Variants in DCLK1 observed in about 807,000 individuals in gnomAD.
The protein encoded by DCLK1 is doublecortin like kinase 1.
A neutral mutation model predicts 86.2 loss-of-function variants in DCLK1; 16 were observed. The ratio of observed to expected loss-of-function variants is 0.19; its 90% CI spans 0.13 to 0.28. DCLK1 has a LOEUF of 0.28. Among genes scored for constraint, DCLK1 ranks in the 10% least tolerant of loss-of-function variants. The pLI is 1.00. For missense variants in DCLK1, 590 were observed against 940.2 expected (o/e 0.63, Z 4.87); for synonymous variants, 369 against 370.5 (o/e 1.00, Z 0.05).
intron 3 of DCLK1, among the ~76,000 whole-genome samples, chr13:36,043,236 G>A (rs961974775): frequency 1.3e-5 from 2 of 151,908 alleles, no homozygotes; most frequent in Non-Finnish European, 2.9e-5. Context: ...TTTCCTCAGA[G>A]AGTTAAGACA....
intron 3 of DCLK1, among the ~76,000 whole-genome samples, chr13:36,030,831 A>G (rs971271728): frequency 1.3e-5 from 2 of 152,096 alleles, no homozygotes; most frequent in African/African-American, 2.4e-5. Flanking sequence ...AATCTCCCCA[A>G]CTGATCAGCT....
intron 3 of DCLK1, among the ~76,000 whole-genome samples, chr13:35,958,476 CCAT>C (rs1878269793): frequency 6.6e-6 from 1 of 151,616 alleles, no homozygotes; most frequent in African/African-American, 2.4e-5. Flanking sequence ...ACCACTATAA[CCAT>C]CACCACCACT....
At chr13:35,787,392 C>T (rs1366274990) in intron 16 of DCLK1, among the ~76,000 whole-genome samples, 1 of 151,716 alleles carries the variant, frequency 6.6e-6, no homozygotes, top group Non-Finnish European at 1.5e-5. Context: ...ATTTCTCAAA[C>T]CATCAAAAAC....
chr13:35,801,400 T>C (rs1360120957), intron 15 of DCLK1, among the ~76,000 whole-genome samples: 1 of 152,228 alleles, frequency 6.6e-6, no homozygotes, highest in East Asian at 1.9e-4. Context: ...TTCATAAAGA[T>C]AATTTCAAAA....
chr13:35,922,504 C>A (rs545545069), intron 4 of DCLK1, among the ~76,000 whole-genome samples: 1 of 152,284 alleles, frequency 6.6e-6, no homozygotes, highest in African/African-American at 2.4e-5. Flanking sequence ...GAATCTATTT[C>A]TTTGACTGTA....
At chr13:35,827,329 C>T (rs1412552988) in intron 10 of DCLK1, among the ~76,000 whole-genome samples, 1 of 152,128 alleles carries the variant, frequency 6.6e-6, no homozygotes. Context: ...GTGTGTCACA[C>T]AAACTGGTGG....
chr13:35,878,523 T>TG (rs943507166), intron 4 of DCLK1, among the ~76,000 whole-genome samples: 15 of 151,456 alleles, frequency 9.9e-5, no homozygotes, highest in East Asian at 1.9e-4. Flanking sequence ...AGCATTGCAG[T>TG]GGGGGGGAAA....
intron 16 of DCLK1, among the ~76,000 whole-genome samples, chr13:35,776,807 C>T (rs190757696): frequency 8.0e-4 from 122 of 152,292 alleles, no homozygotes; most frequent in African/African-American, 2.7e-3. Flanking sequence ...TTCACTGGCA[C>T]CTTCTTGATA....
chr13:35,856,569 C>T (rs948557525), intron 5 of DCLK1, among the ~76,000 whole-genome samples: 2 of 152,102 alleles, frequency 1.3e-5, no homozygotes, highest in African/African-American at 4.8e-5. Context: ...TCTTATCCAG[C>T]TAATGGAAAA....
chr13:36,051,305 A>G lies in DCLK1; in HGVS notation c.723+60564T>C, dbSNP rs558496674. ...AGACTCTTCAGTGTTTCAACACATC[A>G]TAATGAAAAGGACTGATGACTTCTC... On this transcript the variant is annotated intron_variant, in intron 3 of 16. Transcript: ENST00000360631. Among the ~76,000 whole-genome samples the G allele has an allele frequency of 5.8e-4, 88 of 152,278 alleles. 1 individual carries two copies. Among genetic ancestry groups the G allele is most frequent in the Non-Finnish European group, 1.1e-3 (74 of 68,022 alleles).
chr13:36,126,138 G>C lies in DCLK1; in HGVS notation c.-1C>G, dbSNP rs1317849605. 1 of 1,583,278 alleles carries C rather than the reference G, an allele frequency of 6.3e-7. No individual in the cohort carries two copies. Among genetic ancestry groups the C allele is most frequent in the East Asian group, 2.2e-5 (1 of 44,474 alleles). On this transcript the variant is annotated 5_prime_UTR_variant, in exon 2 of 17. In the 5' UTR this introduces an upstream ATG that the reference lacks. Transcript: ENST00000360631. The stretch of plus-strand genomic sequence containing the variant: ...GCTCCATGTCTCTGCCGAAGGACAT[G>C]ATGGACTTCAAGTAGGACCTACGAG...
intron 8 of DCLK1, among the ~76,000 whole-genome samples, chr13:35,830,261 C>T (rs368401105): frequency 7.7e-4 from 117 of 152,070 alleles, no homozygotes; most frequent in African/African-American, 2.6e-3. Flanking sequence ...CATGGTGTTG[C>T]GTGCCTGTAA....
chr13:35,888,841 T>C (rs1387333130), intron 4 of DCLK1, among the ~76,000 whole-genome samples: 1 of 152,214 alleles, frequency 6.6e-6, no homozygotes, highest in Admixed American at 6.5e-5. Context: ...AGACTTATCA[T>C]CTTCAAATAT....
intron 3 of DCLK1, among the ~76,000 whole-genome samples, chr13:35,948,022 C>G (rs555164996): frequency 2.0e-5 from 3 of 152,122 alleles, no homozygotes; most frequent in Non-Finnish European, 4.4e-5. Flanking sequence ...AAGTGTATGC[C>G]CACCACCCAA....
At chr13:35,892,553 C>T (rs749959417) in intron 4 of DCLK1, among the ~76,000 whole-genome samples, 37 of 152,176 alleles carry the variant, frequency 2.4e-4, no homozygotes, top group African/African-American at 6.5e-4. Flanking sequence ...TAGGAAAATG[C>T]GAATTAGATG....
At chr13:36,122,405 ATC>A (rs1365860089) in intron 2 of DCLK1, among the ~76,000 whole-genome samples, 1 of 152,240 alleles carries the variant, frequency 6.6e-6, no homozygotes, top group African/African-American at 2.4e-5. Flanking sequence ...AAGATTACAT[ATC>A]TACAGAGTTT....
intron 3 of DCLK1, among the ~76,000 whole-genome samples, chr13:36,055,855 A>C (rs551940157): frequency 6.8e-4 from 103 of 152,346 alleles, no homozygotes; most frequent in African/African-American, 2.1e-3. Flanking sequence ...ACTTTTAAAA[A>C]TTAACTGTTT....
chr13:35,906,926 G>C (rs550389390), intron 4 of DCLK1, among the ~76,000 whole-genome samples: 1 of 152,276 alleles, frequency 6.6e-6, no homozygotes, highest in African/African-American at 2.4e-5. Context: ...TAAGCACTCA[G>C]GACACAGCAT....
intron 3 of DCLK1, among the ~76,000 whole-genome samples, chr13:35,986,570 T>C (rs928651710): frequency 6.6e-6 from 1 of 152,268 alleles, no homozygotes; most frequent in African/African-American, 2.4e-5. Context: ...CTGAGGGGTA[T>C]AGAAGTGATC....
Sources: gnomAD v4.1 joint callset for allele counts (sites outside exome capture counted in the v4.1 genomes callset) on GRCh38, gnomAD v4.1.1 for gene constraint, MANE v1.5 for transcripts, NCBI Gene and HGNC (gene_info 2026-07-23, HGNC 2026-07-21) for gene names.